Variants in CELF5 observed in about 807,000 individuals in gnomAD.
CELF5 encodes the protein CUGBP Elav-like family member 5, also known as CUG-BP and ETR-3 like factor 5.
CELF5 carries 6 observed loss-of-function variants against 54.9 expected under a neutral mutation model. The observed-to-expected ratio is 0.11, with a 90% CI of 0.06 to 0.22. The LOEUF (loss-of-function observed/expected upper bound fraction) is 0.22, where lower values mean the gene tolerates loss of function less well. CELF5 is among the 10% of genes least tolerant of loss of function. The pLI, the probability that CELF5 is intolerant of heterozygous loss-of-function variation, is 1.00. For synonymous variants in CELF5, 271 were observed against 290.9 expected (o/e 0.93, Z 0.70); for missense variants, 401 against 678.6 (o/e 0.59, Z 4.54).
At chr19:3,289,605 C>T (rs997453239) in intron 10 of CELF5, among the ~76,000 whole-genome samples, 12 of 138,794 alleles carry the variant, frequency 8.6e-5, no homozygotes, top group Admixed American at 7.3e-4. Flanking sequence ...TTGCTTGAAT[C>T]CAGGAGGCAG....
intron 2 of CELF5, among the ~76,000 whole-genome samples, chr19:3,263,804 C>T (rs2079842136): frequency 6.7e-6 from 1 of 150,216 alleles, no homozygotes; most frequent in South Asian, 2.1e-4. Context: ...ACTCAGGAGG[C>T]TGAAGAAGGA....
chr19:3,264,763 C>T, intron 2 of CELF5, among the ~76,000 whole-genome samples: 1 of 150,090 alleles, frequency 6.7e-6, no homozygotes, highest in East Asian at 2.0e-4. Flanking sequence ...GTCACCCAGG[C>T]CAGAGTGCAG....
rs556132484 is a variant in CELF5, at chr19:3,277,677, G to A, written c.524-354G>A. Among the ~76,000 whole-genome samples, 33 of 152,126 alleles carry A rather than the reference G, an allele frequency of 2.2e-4. 1 individual carries two copies. In the South Asian group the frequency reaches 5.6e-3, roughly 26 times the overall value. On this transcript the variant is annotated intron_variant, in intron 4 of 12. Coordinates refer to ENST00000292672, the MANE Select transcript of CELF5 (RefSeq NM_021938.4). ...TCTGGAGCCAGGTGCAGTGGCCTCT[G>A]TATGTTCTATGGACTTTGTCGGTGG...
intron 2 of CELF5, among the ~76,000 whole-genome samples, chr19:3,256,561 ATTATTATTATTATTAAT>A (rs1568342270): frequency 7.0e-6 from 1 of 142,668 alleles, no homozygotes; most frequent in African/African-American, 2.8e-5. Context: ...TATTATTATT[ATTATTATTATTATTAAT>A]TTTTTTTTGA....
At chr19:3,263,658 A>G (rs2079838891) in intron 2 of CELF5, among the ~76,000 whole-genome samples, 1 of 152,126 alleles carries the variant, frequency 6.6e-6, no homozygotes, top group South Asian at 2.1e-4. Flanking sequence ...TAATCCCCGC[A>G]CTTTGGGAGG....
intron 12 of CELF5, 147 bp downstream of exon 12, chr19:3,293,633 A>G (rs2080388906): frequency 5.9e-6 from 4 of 674,968 alleles, no homozygotes; most frequent in Non-Finnish European, 9.8e-6. Context: ...GTTGGCGGGG[A>G]CAGAGCTGGA....
At chr19:3,250,898 T>TATCATTAAAAAAAAAAA in intron 1 of CELF5, 87 bp from the exon 2 acceptor site, 6 of 876,048 alleles carry the variant, frequency 6.8e-6, no homozygotes, top group Non-Finnish European at 9.5e-6. Flanking sequence ...CTTGGGTTGC[T>TATCATTAAAAAAAAAAA]TCCACCTAGT....
At chr19:3,288,297 A>C (rs1040067196) in intron 10 of CELF5, among the ~76,000 whole-genome samples, 6 of 147,870 alleles carry the variant, frequency 4.1e-5, no homozygotes, top group Non-Finnish European at 7.5e-5. Context: ...TGAGGTGGGC[A>C]GATTGCCTGA....
intron 1 of CELF5, among the ~76,000 whole-genome samples, chr19:3,235,513 G>A (rs1485630738): frequency 1.6e-5 from 2 of 124,952 alleles, no homozygotes; most frequent in Non-Finnish European, 3.4e-5. Context: ...TGGGTGGATG[G>A]ATGGATGGAT....
chr19:3,296,498 T>C, intron 12 of CELF5: 1 of 89,282 alleles, frequency 1.1e-5, no homozygotes, highest in Admixed American at 1.1e-4. Flanking sequence ...AAAAAAAAAA[T>C]CTTCTGAACC....
chr19:3,233,439 GAACA>G (rs1280267025), intron 1 of CELF5, among the ~76,000 whole-genome samples: 6 of 152,344 alleles, frequency 3.9e-5, no homozygotes, highest in Non-Finnish European at 4.4e-5. Flanking sequence ...GAGCTGCTGT[GAACA>G]AACAAACTAA....
rs2080101342 is a variant in CELF5 at position 3,278,846 on chromosome 19, C to T, written c.603+736C>T. 6.6e-6 allele frequency among the ~76,000 whole-genome samples: 1 copy of T among 151,344 alleles called. No individual in the cohort carries two copies. The highest frequency in any genetic ancestry group is 1.5e-5 in the Non-Finnish European group (1 of 67,972). On this transcript the variant is annotated intron_variant, in intron 5 of 12. Coordinates refer to ENST00000292672, the MANE Select transcript of CELF5 (RefSeq NM_021938.4). This position sits in a 1 kb window ranked among gnomAD's most constrained non-coding sequence, Gnocchi z 4.5. ...GTAAGGGTATCCTAAGGGGATGACA[C>T]CTGGGTTGGATTTGCTGAGGCCAGG...
intron 1 of CELF5, among the ~76,000 whole-genome samples, chr19:3,247,002 G>A (rs2079576057): frequency 6.6e-6 from 1 of 152,236 alleles, no homozygotes; most frequent in Non-Finnish European, 1.5e-5. Context: ...GATACGTGAT[G>A]CGCACATGGT....
At chr19:3,241,416 G>A (rs551550816) in intron 1 of CELF5, among the ~76,000 whole-genome samples, 1 of 151,980 alleles carries the variant, frequency 6.6e-6, no homozygotes, top group Non-Finnish European at 1.5e-5. Context: ...TGAAAATAGG[G>A]TGGGTGCAGA....
At chr19:3,227,170 C>G (rs1916972375) in intron 1 of CELF5, among the ~76,000 whole-genome samples, 1 of 152,136 alleles carries the variant, frequency 6.6e-6, no homozygotes, top group South Asian at 2.1e-4. Flanking sequence ...TGGACTTCAC[C>G]TGGTCTTTGC....
chr19:3,225,314 A>C (rs1279156366), intron 1 of CELF5, among the ~76,000 whole-genome samples: 16 of 59,850 alleles, frequency 2.7e-4, no homozygotes, highest in South Asian at 6.4e-4. Flanking sequence ...ATCTCCCTCG[A>C]CCTCTCATCC....
At chr19:3,248,646 C>T (rs1026398758) in intron 1 of CELF5, among the ~76,000 whole-genome samples, 50 of 152,166 alleles carry the variant, frequency 3.3e-4, no homozygotes, top group African/African-American at 1.2e-3. Flanking sequence ...TTCCGCCTTC[C>T]GGCCACTGTG....
intron 2 of CELF5, among the ~76,000 whole-genome samples, chr19:3,267,089 ATGTGTGTG>A (rs72295446): frequency 6.1e-5 from 9 of 147,174 alleles, no homozygotes; most frequent in Admixed American, 5.4e-4. Flanking sequence ...GCGTGTGTGC[ATGTGTGTG>A]TGTGTGTGTG....
chr19:3,233,712 C>T (rs1347563522), intron 1 of CELF5, among the ~76,000 whole-genome samples: 1 of 151,974 alleles, frequency 6.6e-6, no homozygotes, highest in East Asian at 1.9e-4. Context: ...GAGAGGGAGT[C>T]GCGCAGGTTG....
Sources: gnomAD v4.1 joint callset for allele counts (sites outside exome capture counted in the v4.1 genomes callset) on GRCh38, gnomAD v4.1.1 for gene constraint, Gnocchi (gnomAD v3.1) non-coding constraint, MANE v1.5 for transcripts, NCBI Gene and HGNC (gene_info 2026-07-23, HGNC 2026-07-21) for gene names.